NUDT3: variants seen among roughly 807,000 people sequenced by gnomAD.
NUDT3 encodes the protein diphosphoinositol polyphosphate phosphohydrolase 1.
In NUDT3, 9 loss-of-function variants were observed where a neutral mutation model predicts 23.6. That is an observed-to-expected ratio of 0.38 (90% CI 0.23 to 0.66). NUDT3 has a LOEUF of 0.66. Among genes scored for constraint, NUDT3 ranks in the 30% least tolerant of loss-of-function variants. The pLI is 0.52. For synonymous variants in NUDT3, 86 were observed against 82.6 expected (o/e 1.04, Z -0.22); for missense variants, 172 against 218.5 (o/e 0.79, Z 1.34).
chr6:34,367,430 C>A (rs562463787), intron 1 of NUDT3, among the ~76,000 whole-genome samples: 1 of 150,666 alleles, frequency 6.6e-6, no homozygotes, highest in East Asian at 2.0e-4. Flanking sequence ...TGCAGCGAGC[C>A]GAGATCGCAC....
chr6:34,360,360 G>A (rs1764630966), intron 1 of NUDT3, among the ~76,000 whole-genome samples: 1 of 151,980 alleles, frequency 6.6e-6, no homozygotes, highest in Admixed American at 6.6e-5. Flanking sequence ...GATCACCTGA[G>A]GTCAGGAATT....
chr6:34,282,023 G>A lies in NUDT3; in HGVS notation c.*6730C>T, dbSNP rs1366077325. On this transcript the variant is annotated 3_prime_UTR_variant, in exon 5 of 5. Transcript: ENST00000607016. Reference sequence around the variant, plus strand: ...ATCTGGGGAGGTTCTACGTGGAGCAGACCTATCCCTTCTTATTCCTGTTCC... The same window carrying A: ...ATCTGGGGAGGTTCTACGTGGAGCAAACCTATCCCTTCTTATTCCTGTTCC... 1 of 152,178 alleles carries A rather than the reference G, an allele frequency of 6.6e-6. No homozygotes were observed. The highest frequency in any genetic ancestry group is 6.5e-5 in the Admixed American group (1 of 15,284). 9.4% of individuals were successfully genotyped at this position (152,178 alleles called of 1,614,324 possible). A position where few individuals can be genotyped will look rare whatever the true frequency, so the allele number is the denominator to read the frequency against.
At chr6:34,318,354 A>G (rs1162644833) in intron 2 of NUDT3, among the ~76,000 whole-genome samples, 1 of 152,192 alleles carries the variant, frequency 6.6e-6, no homozygotes, top group East Asian at 1.9e-4. Context: ...GCTTCCTTCC[A>G]GTCCCAATTC....
rs1235956544 is a variant in NUDT3, at chr6:34,284,682, G to T, written c.*4071C>A. 1 of 152,072 alleles carries T rather than the reference G, an allele frequency of 6.6e-6. No homozygotes were observed. Among genetic ancestry groups the T allele is most frequent in the African/African-American group, 2.4e-5 (1 of 41,410 alleles). 9.4% of individuals were successfully genotyped at this position (152,072 alleles called of 1,614,324 possible). ...ACCTATTATTTCTCTGGTTAAGAAG[G>T]TTTAGCAGGAGCCTCCAATGAGCAC... On this transcript the variant is annotated 3_prime_UTR_variant, in exon 5 of 5. Transcript: ENST00000607016.
intron 2 of NUDT3, among the ~76,000 whole-genome samples, chr6:34,311,827 G>C (rs1433038883): frequency 6.6e-6 from 1 of 152,106 alleles, no homozygotes; most frequent in Non-Finnish European, 1.5e-5. Context: ...GAAAAAAATT[G>C]TCTTTTCTAC....
chr6:34,295,838 T>C lies in NUDT3; in HGVS notation c.211-153A>G, dbSNP rs76210764. Among the ~76,000 whole-genome samples the C allele has an allele frequency of 9.4e-3, 1,425 of 152,304 alleles. 17 individuals are homozygous for C. Among genetic ancestry groups the C allele is most frequent in the African/African-American group, 0.029 (1,219 of 41,570 alleles). On this transcript the variant is annotated intron_variant, in intron 2 of 4. Coordinates refer to ENST00000607016, the MANE Select transcript of NUDT3 (RefSeq NM_006703.4). ...TCTGTGAAGTGATACCAGTGTTTCC[T>C]GTGTGTCACCGACTACTAACCTGCT...
At chr6:34,385,027 TCC>T (rs1765082273) in intron 1 of NUDT3, among the ~76,000 whole-genome samples, 1 of 100,728 alleles carries the variant, frequency 9.9e-6, no homozygotes, top group African/African-American at 4.5e-5. Context: ...AGACCCTGCC[TCC>T]AAAAAAAAAA....
rs1359202701 is a variant in NUDT3, at chr6:34,287,410, T to C, written c.*1343A>G. ...GGCAAATGAAGCCAGCACGAAACTGTATCAAAAAACAAGAGAGTCTGCAGT... is the reference window on the plus strand; with the variant it reads ...GGCAAATGAAGCCAGCACGAAACTGCATCAAAAAACAAGAGAGTCTGCAGT... On this transcript the variant is annotated 3_prime_UTR_variant, in exon 5 of 5. Coordinates refer to ENST00000607016, the MANE Select transcript of NUDT3 (RefSeq NM_006703.4). The C allele has an allele frequency of 2.0e-5, 3 of 152,098 alleles. No individual in the cohort carries two copies. The highest frequency in any genetic ancestry group is 2.9e-5 in the Non-Finnish European group (2 of 68,038). 9.4% of individuals were successfully genotyped at this position (152,098 alleles called of 1,614,324 possible). A position where few individuals can be genotyped will look rare whatever the true frequency, so the allele number is the denominator to read the frequency against.
chr6:34,320,429 G>A (rs1763923697), intron 2 of NUDT3, among the ~76,000 whole-genome samples: 1 of 152,028 alleles, frequency 6.6e-6, no homozygotes, highest in African/African-American at 2.4e-5. Context: ...TCACCATGTT[G>A]GCCAGGCTAG....
At chr6:34,350,538 T>A in intron 1 of NUDT3, among the ~76,000 whole-genome samples, 1 of 151,012 alleles carries the variant, frequency 6.6e-6, no homozygotes, top group Non-Finnish European at 1.5e-5. Flanking sequence ...TGCATGATGA[T>A]CCCATAAAAT....
At chr6:34,331,737 G>C (rs773270380) in intron 2 of NUDT3, among the ~76,000 whole-genome samples, 3 of 152,180 alleles carry the variant, frequency 2.0e-5, no homozygotes, top group Admixed American at 6.5e-5. Context: ...TTTAAAAATT[G>C]TATCTGTACT....
intron 1 of NUDT3, among the ~76,000 whole-genome samples, chr6:34,347,852 G>C (rs1764401375): frequency 6.6e-6 from 1 of 152,006 alleles, no homozygotes; most frequent in Non-Finnish European, 1.5e-5. Context: ...TACCTGCCCG[G>C]ACGTACTGGC....
chr6:34,375,237 G>A (rs1217530387), intron 1 of NUDT3, among the ~76,000 whole-genome samples: 3 of 152,114 alleles, frequency 2.0e-5, no homozygotes, highest in Non-Finnish European at 2.9e-5. Flanking sequence ...CGAGCTACTC[G>A]GGAGGCTGAG....
At chr6:34,356,993 G>A (rs887866078) in intron 1 of NUDT3, among the ~76,000 whole-genome samples, 6 of 152,128 alleles carry the variant, frequency 3.9e-5, no homozygotes, top group African/African-American at 1.4e-4. Context: ...TAGCCAGGAT[G>A]GTCTCGATCT....
chr6:34,289,103 C>A (rs564809710), intron 4 of NUDT3, among the ~76,000 whole-genome samples, 172 bp from the exon 5 acceptor site: 68 of 152,262 alleles, frequency 4.5e-4, no homozygotes, highest in Admixed American at 2.5e-3. Context: ...ATGTCTAATG[C>A]AGAAAGGTGA....
intron 1 of NUDT3, among the ~76,000 whole-genome samples, chr6:34,345,594 T>C (rs1236633044): frequency 1.5e-5 from 2 of 132,172 alleles, no homozygotes; most frequent in Non-Finnish European, 3.1e-5. Context: ...ACCCGGGAGG[T>C]GGAGCTGGCA....
At chr6:34,317,446 G>A (rs1763879659) in intron 2 of NUDT3, among the ~76,000 whole-genome samples, 1 of 151,900 alleles carries the variant, frequency 6.6e-6, no homozygotes, top group Non-Finnish European at 1.5e-5. Context: ...TGAATCCCAA[G>A]GCATCTAATG....
intron 1 of NUDT3, among the ~76,000 whole-genome samples, chr6:34,360,191 T>C (rs1395566019): frequency 6.7e-6 from 1 of 148,958 alleles, no homozygotes; most frequent in South Asian, 2.1e-4. Flanking sequence ...TAAGTGGTGA[T>C]TGTGCCACTG....
At chr6:34,362,015 T>C (rs780275222) in intron 1 of NUDT3, among the ~76,000 whole-genome samples, 1 of 152,186 alleles carries the variant, frequency 6.6e-6, no homozygotes, top group African/African-American at 2.4e-5. Context: ...TGTGTCATAG[T>C]AGGCTCACTG....
Sources: gnomAD v4.1 joint callset for allele counts (sites outside exome capture counted in the v4.1 genomes callset) on GRCh38, gnomAD v4.1.1 for gene constraint, MANE v1.5 for transcripts, NCBI Gene and HGNC (gene_info 2026-07-23, HGNC 2026-07-21) for gene names.